Variants in SAFB2 observed in about 807,000 individuals in gnomAD.
The protein encoded by SAFB2 is scaffold attachment factor B2.
Under a neutral mutation model 100.6 loss-of-function variants are expected in SAFB2, and 32 were observed. That is an observed-to-expected ratio of 0.32 (90% CI 0.24 to 0.43). The LOEUF (loss-of-function observed/expected upper bound fraction) is 0.43, where lower values mean the gene tolerates loss of function less well. SAFB2 is among the 20% of genes least tolerant of loss of function. The pLI is 1.00. For synonymous variants in SAFB2, 500 were observed against 439.4 expected (o/e 1.14, Z -1.72); for missense variants, 1,185 against 1,163.4 (o/e 1.02, Z -0.27).
intron 1 of SAFB2, among the ~76,000 whole-genome samples, chr19:5,622,076 G>A (rs1005500214): frequency 3.3e-5 from 5 of 152,230 alleles, no homozygotes; most frequent in Non-Finnish European, 5.9e-5. Flanking sequence ...AGATCTGGGG[G>A]ACCCGGGTGG....
chr19:5,591,852 G>A (rs1197945895), intron 16 of SAFB2, 59 bp from the exon 17 acceptor site: 3 of 1,565,022 alleles, frequency 1.9e-6, no homozygotes, highest in East Asian at 2.2e-5. Context: ...ATTTCTGCAG[G>A]TCAGGCAAGT....
Position 5,604,753 on chromosome 19 carries a change from A to G in SAFB2, c.1446+34T>C, listed in dbSNP as rs773359385. On this transcript the variant is annotated intron_variant, in intron 10 of 20. Transcript: ENST00000252542. Reference sequence around the variant, plus strand: ...CCAGAGCTTCTCACTTGCAAACTCCATTTGCGAGTTACCATAGACGAGAAC... The same window carrying G: ...CCAGAGCTTCTCACTTGCAAACTCCGTTTGCGAGTTACCATAGACGAGAAC... 21 of 1,613,776 alleles carry G rather than the reference A, an allele frequency of 1.3e-5. No homozygotes were observed. The Admixed American group carries it at 3.3e-4, about 26-fold the overall frequency.
intron 18 of SAFB2, 145 bp downstream of exon 18, chr19:5,590,133 A>AG: frequency 4.4e-6 from 3 of 676,762 alleles, no homozygotes; most frequent in Non-Finnish European, 6.9e-6. Context: ...TTTCTGAGTC[A>AG]GGGGTTTCAA....
Position 5,593,985 on chromosome 19 carries a change from T to A in SAFB2, c.2113A>T (p.Ile705Phe), listed in dbSNP as rs1227941459. The A allele has an allele frequency of 6.4e-7, 1 of 1,556,448 alleles. No homozygotes were observed. Among genetic ancestry groups the A allele is most frequent in the East Asian group, 2.4e-5 (1 of 42,086 alleles). The change falls in exon 15 of 21, where the codon ATC becomes TTC. Residue 705 changes from isoleucine (I) to phenylalanine (F), a missense_variant. Transcript: ENST00000252542. ...ERERRKEQER[I>F]HREREELRRQ... ...CGCAGCTCCTCGCGCTCGCGGTGGA[T>A]GCGCTCCTGCTCCTTCCTGCGCTCA...
At chr19:5,595,297 T>C in intron 14 of SAFB2, 64 bp downstream of exon 14, 3 of 1,571,224 alleles carry the variant, frequency 1.9e-6, no homozygotes, top group South Asian at 1.1e-5. Context: ...CAAGTACAGC[T>C]GGGAGAAGGA....
intron 12 of SAFB2, 57 bp from the exon 13 acceptor site, chr19:5,598,941 G>C (rs2052593204): frequency 3.3e-6 from 5 of 1,513,602 alleles, no homozygotes; most frequent in African/African-American, 1.4e-5. Flanking sequence ...ACTTCCCGCA[G>C]TAAACAGCAC....
Position 5,611,257 on chromosome 19 carries a change from TTCTGCGAGCTCCTCGCTAGAGGCC to T in SAFB2, c.984_1007del (p.Ser330_Ala337del). 2 of 394,324 alleles carry T rather than the reference TTCTGCGAGCTCCTCGCTAGAGGCC, an allele frequency of 5.1e-6. No homozygotes were observed. Among genetic ancestry groups the T allele is most frequent in the African/African-American group, 7.2e-5 (1 of 13,878 alleles). The allele number at this position is 394,324 out of a possible 1,614,324, so 24.4% of individuals were successfully genotyped here. ...CTGGGCTTGGGGCTTCCGTGGGTGC[TTCTGCGAGCTCCTCGCTAGAGGCC>T]TCCGCGAGCTCGGAGGCCGCACTAC... On this transcript the variant is annotated inframe_deletion, in exon 7 of 21. Transcript: ENST00000252542.
intron 18 of SAFB2, among the ~76,000 whole-genome samples, chr19:5,589,945 G>T (rs2052353384): frequency 6.6e-6 from 1 of 152,190 alleles, no homozygotes; most frequent in Admixed American, 6.5e-5. Context: ...CTCTACCACG[G>T]ACGGGGCAGG....
chr19:5,592,158 G>C (rs2052422296), intron 16 of SAFB2, among the ~76,000 whole-genome samples: 1 of 152,092 alleles, frequency 6.6e-6, no homozygotes, highest in South Asian at 2.1e-4. Context: ...AATTAAGAGT[G>C]TGGCCTCTCA....
rs933196374 is a variant in SAFB2 at position 5,592,655 on chromosome 19, C to A, written c.2348+92G>T. On this transcript the variant is annotated intron_variant, in intron 16 of 20. Coordinates refer to ENST00000252542, the MANE Select transcript of SAFB2 (RefSeq NM_014649.3). ...GAAGTAAACGAGGCTTCAGAGCACA[C>A]AGGAACCCCTGCACTGGGCTGAGAA... 30 of 1,455,400 alleles carry A rather than the reference C, an allele frequency of 2.1e-5. No homozygotes were observed. In the African/African-American group the frequency reaches 3.9e-4, roughly 19 times the overall value. The allele number at this position is 1,455,400 out of a possible 1,614,324, so 90.2% of individuals were successfully genotyped here.
chr19:5,606,623 GAAAAC>G (rs2052780510), intron 9 of SAFB2, among the ~76,000 whole-genome samples: 1 of 151,912 alleles, frequency 6.6e-6, no homozygotes, highest in South Asian at 2.1e-4. Context: ...GTCTCTAAGG[GAAAAC>G]AAAACAAAAC....
chr19:5,605,984 A>G (rs1431141442), intron 9 of SAFB2, among the ~76,000 whole-genome samples: 1 of 152,192 alleles, frequency 6.6e-6, no homozygotes, highest in Admixed American at 6.5e-5. Flanking sequence ...CCCAGTGCAC[A>G]CGTGTGCGAG....
At chr19:5,613,963 A>G (rs2052967623) in intron 4 of SAFB2, among the ~76,000 whole-genome samples, 1 of 152,074 alleles carries the variant, frequency 6.6e-6, no homozygotes, top group Admixed American at 6.6e-5. Flanking sequence ...TCATTCACTC[A>G]TTCATTTGAG....
At chr19:5,597,111 C>G (rs914575598) in intron 13 of SAFB2, among the ~76,000 whole-genome samples, 1 of 152,126 alleles carries the variant, frequency 6.6e-6, no homozygotes, top group African/African-American at 2.4e-5. Context: ...GCCCACATAC[C>G]ACCGCACAGT....
chr19:5,592,820 G>T lies in SAFB2; in HGVS notation c.2275C>A (p.Pro759Thr). Residue 759 changes from proline to threonine, a missense_variant, in exon 16 of 21, where the codon CCC (proline) becomes ACC (threonine). Around this residue, in one of 3 missense-constraint regions of SAFB2, gnomAD observed 740 missense variants for 687.1 expected, o/e 1.08. Transcript: ENST00000252542. The stretch of plus-strand genomic sequence containing the variant: ...TCGTGAAAGCGGTGGTCTGGCCGGG[G>T]AAAGTCTGCACGATATCGGTCCTCC... ...AMEDRYRADFPRPDHRFHDFD... is the reference protein window; with the variant it reads ...AMEDRYRADFTRPDHRFHDFD... 1.2e-6 allele frequency: 2 copies of T among 1,614,144 alleles called. No individual in the cohort carries two copies. Among genetic ancestry groups the T allele is most frequent in the Non-Finnish European group, 8.5e-7 (1 of 1,180,032 alleles).
Position 5,593,902 on chromosome 19 carries a change from G to A in SAFB2, c.2196C>T (p.Tyr732=), listed in dbSNP as rs1340635797. 3.3e-6 allele frequency: 5 copies of A among 1,511,602 alleles called. No individual in the cohort carries two copies. Among genetic ancestry groups the A allele is most frequent in the Admixed American group, 4.1e-5 (2 of 48,296 alleles). The allele number at this position is 1,511,602 out of a possible 1,614,324, so 93.6% of individuals were successfully genotyped here. A position where few individuals can be genotyped will look rare whatever the true frequency, so the allele number is the denominator to read the frequency against. ...TGGGCGGGACTCACCGGTCCAGGTCGTAGGGCCTCCGCCCGGGCCGCCGCT... is the reference window on the plus strand; with the variant it reads ...TGGGCGGGACTCACCGGTCCAGGTCATAGGGCCTCCGCCCGGGCCGCCGCT... ...EQERRPGRRP[Y]DLDRRDDAYW... Residue 732 remains tyrosine (Y), a synonymous_variant, in exon 15 of 21, where the codon TAC becomes TAT. Transcript: ENST00000252542.
intron 9 of SAFB2, among the ~76,000 whole-genome samples, chr19:5,605,570 GCTA>G (rs1204544603): frequency 6.6e-6 from 1 of 152,142 alleles, no homozygotes; most frequent in East Asian, 1.9e-4. Flanking sequence ...CAGCTGTGGG[GCTA>G]CTAAGAAATG....
intron 9 of SAFB2, among the ~76,000 whole-genome samples, chr19:5,606,983 T>C (rs1274089851): frequency 1.3e-5 from 2 of 152,188 alleles, no homozygotes; most frequent in African/African-American, 2.4e-5. Flanking sequence ...ACTGTTTGGC[T>C]GGGCGTGGTG....
intron 2 of SAFB2, among the ~76,000 whole-genome samples, chr19:5,620,684 G>A (rs940436221): frequency 8.5e-5 from 13 of 152,252 alleles, no homozygotes; most frequent in African/African-American, 2.4e-4. Flanking sequence ...AAAGTAAGGC[G>A]ACTAACTTCT....
Sources: allele counts gnomAD v4.1 joint callset (sites outside exome capture counted in the v4.1 genomes callset), GRCh38; gene constraint gnomAD v4.1.1; regional missense constraint gnomAD v4.1.1; transcripts MANE v1.5; gene names NCBI Gene and HGNC (gene_info 2026-07-23, HGNC 2026-07-21).